The following COL25A1 variants were observed in gnomAD, a reference collection of about 807,000 sequenced individuals.
COL25A1 encodes collagen type XXV alpha 1 chain.
Under a neutral mutation model 128.4 loss-of-function variants are expected in COL25A1, and 103 were observed. The ratio of observed to expected loss-of-function variants is 0.80; its 90% CI spans 0.68 to 0.94. COL25A1 has a LOEUF of 0.94. COL25A1 is among the 40% of genes least tolerant of loss of function. The probability of loss-of-function intolerance (pLI) is 0.00; values close to 1 mark genes in which losing one functional copy is unlikely to be tolerated. For synonymous variants in COL25A1, 279 were observed against 277.2 expected (o/e 1.01, Z -0.06); for missense variants, 745 against 840.0 (o/e 0.89, Z 1.40).
chr4:109,050,451 T>G (rs1369369840), intron 3 of COL25A1, among the ~76,000 whole-genome samples: 3 of 152,154 alleles, frequency 2.0e-5, no homozygotes, highest in African/African-American at 7.2e-5. Context: ...TGCTTTAATA[T>G]CATCAATAAA....
intron 3 of COL25A1, among the ~76,000 whole-genome samples, chr4:109,257,414 T>C (rs541962739): frequency 6.6e-6 from 1 of 152,316 alleles, no homozygotes; most frequent in East Asian, 1.9e-4. Flanking sequence ...ATGTACAGTT[T>C]AACATCTGGT....
In COL25A1 at chr4:109,290,887, A is replaced by G. The variant is rs368220918; in HGVS notation, c.367+9696T>C. On this transcript the variant is annotated intron_variant, in intron 3 of 37. Coordinates refer to ENST00000399132, the MANE Select transcript of COL25A1 (RefSeq NM_198721.4). ...CATGGGTTGGACAAGCTTGGCCTATATGGTCTTTCCAGCCTTTCTTACTTG... is the reference window on the plus strand; with the variant it reads ...CATGGGTTGGACAAGCTTGGCCTATGTGGTCTTTCCAGCCTTTCTTACTTG... Among the ~76,000 whole-genome samples, 268 of 152,248 alleles carry G rather than the reference A, an allele frequency of 1.8e-3. 3 individuals are homozygous for G. The South Asian group carries it at 0.053, about 30-fold the overall frequency.
At chr4:109,286,138 T>C (rs898925278) in intron 3 of COL25A1, among the ~76,000 whole-genome samples, 2 of 152,192 alleles carry the variant, frequency 1.3e-5, no homozygotes, top group African/African-American at 4.8e-5. Flanking sequence ...AAAAGAATGA[T>C]GCAAATCAAT....
At chr4:108,889,645 T>C (rs1423900931) in intron 17 of COL25A1, 56 bp downstream of exon 17, 14 of 1,493,902 alleles carry the variant, frequency 9.4e-6, no homozygotes, top group Non-Finnish European at 1.3e-5. Flanking sequence ...AGTAGAGGCC[T>C]ATAAAAATCA....
intron 33 of COL25A1, 43 bp downstream of exon 33, chr4:108,827,092 A>G (rs780294935): frequency 6.4e-7 from 1 of 1,567,118 alleles, no homozygotes; most frequent in South Asian, 1.1e-5. Flanking sequence ...CTGGTCATCT[A>G]TGCATGCGGA....
chr4:109,133,751 TAA>T (rs1769438239), intron 3 of COL25A1, among the ~76,000 whole-genome samples: 1 of 152,182 alleles, frequency 6.6e-6, no homozygotes, highest in African/African-American at 2.4e-5. Context: ...GATAATTGCT[TAA>T]GTCTATTAAG....
At chr4:109,156,798 A>C (rs1369737183) in intron 3 of COL25A1, among the ~76,000 whole-genome samples, 1 of 152,174 alleles carries the variant, frequency 6.6e-6, no homozygotes, top group Admixed American at 6.5e-5. Context: ...TCTTATTTGC[A>C]CTCCACAGAG....
rs1389702964 is a variant in COL25A1 at position 109,301,713 on chromosome 4, C to T, written c.297+10G>A. 1.2e-6 allele frequency: 2 copies of T among 1,608,180 alleles called. No homozygotes were observed. Among genetic ancestry groups the T allele is most frequent in the Non-Finnish European group, 1.7e-6 (2 of 1,176,000 alleles). On this transcript the variant is annotated intron_variant, in intron 2 of 37. Coordinates refer to ENST00000399132, the MANE Select transcript of COL25A1 (RefSeq NM_198721.4). ...GTTACCCACGTGCAAAATACCCCAG[C>T]CTCTCACACCTGAGCCAGAAGTCGC...
chr4:108,924,870 G>A (rs757857098), intron 11 of COL25A1, among the ~76,000 whole-genome samples: 14 of 151,910 alleles, frequency 9.2e-5, no homozygotes, highest in Admixed American at 2.6e-4. Context: ...TCTAATCCCC[G>A]GTCCTCTCCT....
chr4:109,022,485 C>T (rs182689551), intron 5 of COL25A1, among the ~76,000 whole-genome samples: 7 of 152,288 alleles, frequency 4.6e-5, no homozygotes, highest in Admixed American at 3.9e-4. Flanking sequence ...AGATGCATAC[C>T]GCTTAGCCTA....
At chr4:109,095,858 C>G (rs1319467813) in intron 3 of COL25A1, among the ~76,000 whole-genome samples, 1 of 152,136 alleles carries the variant, frequency 6.6e-6, no homozygotes, top group Non-Finnish European at 1.5e-5. Flanking sequence ...CTGGCAACCC[C>G]TAAAGGGCAT....
At chr4:108,958,360 A>T (rs1167485340) in intron 8 of COL25A1, among the ~76,000 whole-genome samples, 1 of 152,092 alleles carries the variant, frequency 6.6e-6, no homozygotes, top group Non-Finnish European at 1.5e-5. Flanking sequence ...AACTTAAAAC[A>T]TGGGTGTTTC....
chr4:109,185,583 T>C (rs887884684), intron 3 of COL25A1, among the ~76,000 whole-genome samples: 4 of 152,172 alleles, frequency 2.6e-5, no homozygotes, highest in African/African-American at 9.7e-5. Flanking sequence ...TACGAGTCTG[T>C]TAAGGATGGA....
chr4:108,819,327 T>C lies in COL25A1; in HGVS notation c.1848A>G (p.Gly616=). The C allele has an allele frequency of 6.2e-7, 1 of 1,612,046 alleles. No individual in the cohort carries two copies. Among genetic ancestry groups the C allele is most frequent in the Non-Finnish European group, 8.5e-7 (1 of 1,179,140 alleles). The change falls in exon 36 of 38, where the codon GGA becomes GGG. Residue 616 remains glycine (G), a splice_region_variant and synonymous_variant. Coordinates refer to ENST00000399132, the MANE Select transcript of COL25A1 (RefSeq NM_198721.4). ...KGDLGEKGEK[G]FRGVKGEKGE... ...CTTTTTCCCCCTTAACGCCACGGAA[T>C]CCCTGTTTGTAAAGATTAACTCATA...
chr4:108,948,235 C>T (rs941063799), intron 8 of COL25A1, among the ~76,000 whole-genome samples: 1 of 152,080 alleles, frequency 6.6e-6, no homozygotes, highest in Non-Finnish European at 1.5e-5. Context: ...TAGATCATTC[C>T]ATATTGCAGT....
chr4:109,167,909 G>T (rs2126127452), intron 3 of COL25A1, among the ~76,000 whole-genome samples: 1 of 152,196 alleles, frequency 6.6e-6, no homozygotes, highest in South Asian at 2.1e-4. Flanking sequence ...ATGATTTCAT[G>T]GAACTAGAGA....
Position 109,137,308 on chromosome 4 carries a change from A to G in COL25A1, c.368-87129T>C, listed in dbSNP as rs772589985. Among the ~76,000 whole-genome samples, 34 of 152,370 alleles carry G rather than the reference A, an allele frequency of 2.2e-4. 2 individuals are homozygous for G. Among genetic ancestry groups the G allele is most frequent in the South Asian group, 1.0e-3 (5 of 4,826 alleles). On this transcript the variant is annotated intron_variant, in intron 3 of 37. Transcript: ENST00000399132. Reference sequence around the variant, plus strand: ...TTGAAATAAAAATCTGGAACTATCCATGAAAATAAAAACTTAAGCAAACAA... The same window carrying G: ...TTGAAATAAAAATCTGGAACTATCCGTGAAAATAAAAACTTAAGCAAACAA...
At chr4:109,159,058 C>T (rs994088869) in intron 3 of COL25A1, among the ~76,000 whole-genome samples, 3 of 152,038 alleles carry the variant, frequency 2.0e-5, no homozygotes, top group African/African-American at 7.2e-5. Flanking sequence ...TCCATAAAAA[C>T]AGACTTCCGA....
intron 20 of COL25A1, among the ~76,000 whole-genome samples, chr4:108,863,915 C>T (rs1042650491): frequency 2.6e-5 from 4 of 152,128 alleles, no homozygotes; most frequent in African/African-American, 4.8e-5. Flanking sequence ...CACCATCTGC[C>T]TCCCTGGACC....
Sources: allele counts gnomAD v4.1 joint callset (sites outside exome capture counted in the v4.1 genomes callset), GRCh38; gene constraint gnomAD v4.1.1; transcripts MANE v1.5; gene names NCBI Gene and HGNC (gene_info 2026-07-23, HGNC 2026-07-21).